Variants in RBMS3 observed in about 807,000 individuals in gnomAD.
RBMS3 encodes RNA-binding motif, single-stranded-interacting protein 3.
RBMS3 carries 27 observed loss-of-function variants against 66.8 expected under a neutral mutation model. The observed-to-expected ratio is 0.40, with a 90% confidence interval of 0.30 to 0.56. The LOEUF is 0.56. Among genes scored for constraint, RBMS3 ranks in the 20% least tolerant of loss-of-function variants. The pLI, the probability that RBMS3 is intolerant of heterozygous loss-of-function variation, is 0.40. For missense variants in RBMS3, 513 were observed against 549.5 expected (o/e 0.93, Z 0.66); for synonymous variants, 188 against 183.0 (o/e 1.03, Z -0.22).
chr3:29,601,602 C>A (rs2149117759), intron 4 of RBMS3, among the ~76,000 whole-genome samples: 1 of 152,036 alleles, frequency 6.6e-6, no homozygotes, highest in African/African-American at 2.4e-5. Flanking sequence ...TAAAATATTG[C>A]CAATAATCCT....
intron 6 of RBMS3, among the ~76,000 whole-genome samples, chr3:29,822,532 G>T (rs927611641): frequency 6.6e-6 from 1 of 152,020 alleles, no homozygotes; most frequent in South Asian, 2.1e-4. Context: ...GAGACACTTC[G>T]ATTATTTTGG....
At chr3:29,646,112 GAA>G (rs1576429632) in intron 4 of RBMS3, among the ~76,000 whole-genome samples, 1 of 152,166 alleles carries the variant, frequency 6.6e-6, no homozygotes, top group East Asian at 1.9e-4. Context: ...TGTTTAAATT[GAA>G]ATTTAAATTC....
intron 3 of RBMS3, among the ~76,000 whole-genome samples, chr3:29,520,054 T>A (rs1285615477): frequency 6.6e-6 from 1 of 152,184 alleles, no homozygotes. Context: ...TAACTGGCCA[T>A]CCTGTATTTT....
intron 1 of RBMS3, among the ~76,000 whole-genome samples, chr3:29,329,808 T>C (rs930785974): frequency 1.3e-5 from 2 of 148,348 alleles, no homozygotes; most frequent in Non-Finnish European, 3.0e-5. Flanking sequence ...TTATAGATTA[T>C]ATATATTATA....
intron 11 of RBMS3, among the ~76,000 whole-genome samples, chr3:29,939,560 T>C (rs1014164629): frequency 1.3e-5 from 2 of 151,906 alleles, no homozygotes; most frequent in African/African-American, 2.4e-5. Context: ...TCTTGAATTT[T>C]GATTTGAAAT....
chr3:29,868,797 C>A, intron 6 of RBMS3, 61 bp from the exon 7 acceptor site: 1 of 1,359,436 alleles, frequency 7.4e-7, no homozygotes, highest in Non-Finnish European at 1.0e-6. Flanking sequence ...CTGTGACTCA[C>A]ATAATCACTT....
chr3:29,975,922 C>T (rs1697549525), intron 12 of RBMS3, among the ~76,000 whole-genome samples: 1 of 151,862 alleles, frequency 6.6e-6, no homozygotes, highest in Admixed American at 6.6e-5. Context: ...GGAAAATTTA[C>T]ACTTTAAGAG....
intron 1 of RBMS3, among the ~76,000 whole-genome samples, chr3:29,304,365 G>A (rs1330617103): frequency 6.6e-6 from 1 of 151,930 alleles, no homozygotes. Context: ...TTTGGAATGA[G>A]TGGTAAAACT....
intron 4 of RBMS3, among the ~76,000 whole-genome samples, chr3:29,691,949 A>ATCTTTTTTTTTTTT (rs2052036896): frequency 1.5e-5 from 1 of 65,012 alleles, no homozygotes; most frequent in Non-Finnish European, 2.9e-5. Context: ...CTCTCTCTCT[A>ATCTTTTTTTTTTTT]TTTTTTTTTT....
chr3:29,723,241 G>T lies in RBMS3; in HGVS notation c.400-16479G>T, dbSNP rs562640528. Among the ~76,000 whole-genome samples, 20 of 152,244 alleles carry T rather than the reference G, an allele frequency of 1.3e-4. No homozygotes were observed. The East Asian group carries it at 3.1e-3, about 24-fold the overall frequency. On this transcript the variant is annotated intron_variant, in intron 4 of 14. Transcript: ENST00000383767. ...TCCACCCACCTCATCCTCCCAAAGTGCTGGGATTACAGGCATGAGCCACCA... is the reference window on the plus strand; with the variant it reads ...TCCACCCACCTCATCCTCCCAAAGTTCTGGGATTACAGGCATGAGCCACCA...
intron 5 of RBMS3, among the ~76,000 whole-genome samples, chr3:29,747,437 GATAGATA>G (rs1198381470): frequency 7.0e-6 from 1 of 141,962 alleles, no homozygotes; most frequent in Non-Finnish European, 1.5e-5. Flanking sequence ...TAGATAGATA[GATAGATA>G]GATAGATGTC....
intron 4 of RBMS3, among the ~76,000 whole-genome samples, chr3:29,620,396 C>G (rs1252836405): frequency 6.6e-6 from 1 of 152,030 alleles, no homozygotes; most frequent in Non-Finnish European, 1.5e-5. Context: ...CCTGATTTCT[C>G]TTTCATATAT....
At chr3:29,909,469 G>A (rs1040747777) in intron 10 of RBMS3, among the ~76,000 whole-genome samples, 1 of 152,030 alleles carries the variant, frequency 6.6e-6, no homozygotes, top group Non-Finnish European at 1.5e-5. Context: ...AATAATTTTG[G>A]AGGTAATGTT....
chr3:29,644,297 G>A (rs1324917412), intron 4 of RBMS3, among the ~76,000 whole-genome samples: 3 of 152,142 alleles, frequency 2.0e-5, no homozygotes, highest in African/African-American at 7.2e-5. Context: ...AATTTTGAAC[G>A]GGTTTCAATC....
chr3:29,784,785 G>T (rs1228167396), intron 6 of RBMS3, among the ~76,000 whole-genome samples: 2 of 151,934 alleles, frequency 1.3e-5, no homozygotes, highest in Non-Finnish European at 2.9e-5. Flanking sequence ...TAGACCGTTA[G>T]CAAAATTAAC....
At chr3:29,845,088 T>C (rs1348334156) in intron 6 of RBMS3, among the ~76,000 whole-genome samples, 1 of 152,196 alleles carries the variant, frequency 6.6e-6, no homozygotes, top group Non-Finnish European at 1.5e-5. Flanking sequence ...TGGTAGTTTA[T>C]AGGCCATGGA....
chr3:29,673,938 G>C (rs2051121129), intron 4 of RBMS3, among the ~76,000 whole-genome samples: 1 of 152,110 alleles, frequency 6.6e-6, no homozygotes, highest in Admixed American at 6.6e-5. Context: ...AAGCCTGGCA[G>C]AGATACAACA....
intron 6 of RBMS3, among the ~76,000 whole-genome samples, chr3:29,786,637 AC>A (rs1326661601): frequency 6.6e-6 from 1 of 152,186 alleles, no homozygotes; most frequent in Non-Finnish European, 1.5e-5. Context: ...TTGGCAAGCC[AC>A]ATGTAGAAGA....
chr3:29,392,911 AAAC>A (rs1307138791), intron 1 of RBMS3, among the ~76,000 whole-genome samples: 1 of 151,998 alleles, frequency 6.6e-6, no homozygotes, highest in Admixed American at 6.5e-5. Context: ...AGAAAAAAAA[AAAC>A]AAGAAAAAAA....
Sources: gnomAD v4.1 joint callset for allele counts (sites outside exome capture counted in the v4.1 genomes callset) on GRCh38, gnomAD v4.1.1 for gene constraint, MANE v1.5 for transcripts, NCBI Gene and HGNC (gene_info 2026-07-23, HGNC 2026-07-21) for gene names.